The following KDM4C variants were observed in gnomAD, a reference collection of about 807,000 sequenced individuals.
The protein encoded by KDM4C is lysine demethylase 4C.
In KDM4C, 81 loss-of-function variants were observed where a neutral mutation model predicts 129.3. The ratio of observed to expected loss-of-function variants is 0.63; its 90% CI spans 0.52 to 0.75. The LOEUF is 0.75. Among genes scored for constraint, KDM4C ranks in the 30% least tolerant of loss-of-function variants. The probability of loss-of-function intolerance (pLI) is 0.00; values close to 1 mark genes in which losing one functional copy is unlikely to be tolerated. For synonymous variants in KDM4C, 573 were observed against 456.1 expected, an observed-to-expected ratio of 1.26 and a Z score of -3.26; for missense variants, 1,457 against 1,304.0, an observed-to-expected ratio of 1.12 and a Z score of -1.81.
chr9:6,932,240 G>T (rs529020217), intron 8 of KDM4C, among the ~76,000 whole-genome samples: 4 of 152,210 alleles, frequency 2.6e-5, no homozygotes, highest in African/African-American at 9.6e-5. Context: ...TCAGAACAGA[G>T]TGGAAGCCGG....
chr9:7,094,351 T>TTAA (rs1587603322), intron 17 of KDM4C, among the ~76,000 whole-genome samples: 1 of 152,060 alleles, frequency 6.6e-6, no homozygotes, highest in East Asian at 1.9e-4. Flanking sequence ...TTTATTTTAT[T>TTAA]TTATTATTAT....
chr9:6,770,535 CA>C, intron 1 of KDM4C, among the ~76,000 whole-genome samples: 1 of 150,642 alleles, frequency 6.6e-6, no homozygotes, highest in Non-Finnish European at 1.5e-5. Flanking sequence ...TCACAGATTG[CA>C]TATGGCATGA....
chr9:6,722,476 G>A (rs1344333208), intron 1 of KDM4C, among the ~76,000 whole-genome samples: 1 of 151,886 alleles, frequency 6.6e-6, no homozygotes, highest in Non-Finnish European at 1.5e-5. Context: ...TCAGGAGTTT[G>A]ACGCAAGCCT....
intron 8 of KDM4C, among the ~76,000 whole-genome samples, chr9:6,949,787 C>T (rs1432858111): frequency 1.3e-5 from 2 of 152,176 alleles, no homozygotes; most frequent in African/African-American, 2.4e-5. Flanking sequence ...GCGGAGATGG[C>T]AGCAGTACAG....
chr9:6,935,699 A>G (rs1427582081), intron 8 of KDM4C, among the ~76,000 whole-genome samples: 1 of 151,650 alleles, frequency 6.6e-6, no homozygotes, highest in Non-Finnish European at 1.5e-5. Flanking sequence ...CTTCGTTTTT[A>G]TTAGGAAGTA....
intron 1 of KDM4C, among the ~76,000 whole-genome samples, chr9:6,782,509 AT>A (rs1023686681): frequency 6.6e-6 from 1 of 152,176 alleles, no homozygotes; most frequent in African/African-American, 2.4e-5. Flanking sequence ...GAGAATGAAC[AT>A]TAATGCACTT....
At chr9:7,170,305 T>G in intron 21 of KDM4C, 1 of 1,044,020 alleles carries the variant, frequency 9.6e-7, no homozygotes, top group Non-Finnish European at 1.2e-6. Context: ...TATTCTTTTA[T>G]AGGTTTTTCA....
At chr9:6,882,741 A>G (rs10975871) in intron 6 of KDM4C, among the ~76,000 whole-genome samples, 57,248 of 151,812 alleles carry the variant, frequency 0.38, 11,815 homozygotes, top group Middle Eastern at 0.56. Flanking sequence ...CATTGCTACC[A>G]AGGGTTAGTT....
At chr9:6,821,281 T>C (rs1178113767) in intron 4 of KDM4C, among the ~76,000 whole-genome samples, 1 of 152,204 alleles carries the variant, frequency 6.6e-6, no homozygotes, top group African/African-American at 2.4e-5. Context: ...TTCTAGATCC[T>C]TGAGGAATCA....
Position 6,912,215 on chromosome 9 carries a change from T to C in KDM4C, c.921+18983T>C, listed in dbSNP as rs143666408. Among the ~76,000 whole-genome samples, 18 of 152,312 alleles carry C rather than the reference T, an allele frequency of 1.2e-4. No homozygotes were observed. In the South Asian group the frequency reaches 1.9e-3, roughly 16 times the overall value. On this transcript the variant is annotated intron_variant, in intron 8 of 21. Transcript: ENST00000381309. ...CCTTTCCTGCCATTCTATGCTTCTC[T>C]GCATTCTCCTTTAGCAGCAAGTTGA...
At position 6,729,503 on chromosome 9, in the gene KDM4C, C is replaced by T. The variant is rs1223375683; in HGVS notation, c.49+8506C>T. Among the ~76,000 whole-genome samples, 10 of 133,042 alleles carry T rather than the reference C, an allele frequency of 7.5e-5. 3 individuals carry two copies. The highest frequency in any genetic ancestry group is 1.3e-4 in the African/African-American group (4 of 31,106). 87.3% of individuals were successfully genotyped at this position (133,042 alleles called of 152,430 possible). A position where few individuals can be genotyped will look rare whatever the true frequency, so the allele number is the denominator to read the frequency against. On this transcript the variant is annotated intron_variant, in intron 1 of 17. Transcript: ENST00000536108. The stretch of plus-strand genomic sequence containing the variant: ...CGGAGGTTGCAGTGAGCCAAGATCA[C>T]GCCACTGCACTCCAGCTTGGATGAC...
chr9:7,057,257 C>G (rs1346729295), intron 17 of KDM4C, among the ~76,000 whole-genome samples: 1 of 152,108 alleles, frequency 6.6e-6, no homozygotes, highest in Non-Finnish European at 1.5e-5. Flanking sequence ...AGGTGTGGTC[C>G]CACAATTAAG....
chr9:7,038,955 A>G (rs1828104026), intron 15 of KDM4C, among the ~76,000 whole-genome samples: 1 of 152,026 alleles, frequency 6.6e-6, no homozygotes, highest in South Asian at 2.1e-4. Flanking sequence ...ATTTTCCAGA[A>G]AACAATTTTT....
chr9:6,953,026 G>A (rs968225596), intron 8 of KDM4C, among the ~76,000 whole-genome samples: 1 of 152,144 alleles, frequency 6.6e-6, no homozygotes, highest in South Asian at 2.1e-4. Context: ...GAATGAATAT[G>A]ATAAAATGTA....
intron 17 of KDM4C, among the ~76,000 whole-genome samples, chr9:7,102,309 C>CTTTTT (rs34614459): frequency 9.0e-4 from 81 of 89,964 alleles, no homozygotes; most frequent in Admixed American, 9.7e-4. Flanking sequence ...ATGGTTTTCC[C>CTTTTT]TTTTTTTTTT....
chr9:6,934,980 T>C (rs937896574), intron 8 of KDM4C, among the ~76,000 whole-genome samples: 9 of 152,156 alleles, frequency 5.9e-5, no homozygotes, highest in Non-Finnish European at 1.0e-4. Context: ...GATTTGGCTT[T>C]TTGTTAATAA....
chr9:6,761,529 C>A (rs4740855), intron 1 of KDM4C, among the ~76,000 whole-genome samples: 61,536 of 151,636 alleles, frequency 0.41, 13,404 homozygotes, highest in African/African-American at 0.57. Flanking sequence ...CATGGTACCC[C>A]GGCTGGTCTG....
chr9:6,956,628 A>T (rs566937131), intron 8 of KDM4C, among the ~76,000 whole-genome samples: 8 of 152,176 alleles, frequency 5.3e-5, no homozygotes, highest in Non-Finnish European at 1.2e-4. Context: ...TTGTACTACA[A>T]TGGCTGACTT....
At position 6,816,917 on chromosome 9, in the gene KDM4C, T is replaced by C. The variant is rs374807942; in HGVS notation, c.435+2172T>C. On this transcript the variant is annotated intron_variant, in intron 4 of 21. Transcript: ENST00000381309. ...ATTCTTACTGGTTTATACTTCTTTA[T>C]ATATCCTGCGTATGAGGTAGTAGCA... Among the ~76,000 whole-genome samples, 116 of 152,192 alleles carry C rather than the reference T, an allele frequency of 7.6e-4. 3 individuals are homozygous for C. In the South Asian group the frequency reaches 0.024, roughly 31 times the overall value.
Sources: allele counts gnomAD v4.1 joint callset (sites outside exome capture counted in the v4.1 genomes callset), GRCh38; gene constraint gnomAD v4.1.1; transcripts MANE v1.5; gene names NCBI Gene and HGNC (gene_info 2026-07-23, HGNC 2026-07-21).